FLNB: variants seen among roughly 807,000 people sequenced by gnomAD.
FLNB encodes the protein filamin-B.
FLNB carries 111 observed loss-of-function variants against 250.6 expected under a neutral mutation model. The observed-to-expected ratio is 0.44, with a 90% CI of 0.38 to 0.52. The LOEUF is 0.52. Among genes scored for constraint, FLNB ranks in the 20% least tolerant of loss-of-function variants. The pLI, the probability that FLNB is intolerant of heterozygous loss-of-function variation, is 0.00. For missense variants in FLNB, 2,869 were observed against 3,447.8 expected (o/e 0.83, Z 4.20); for synonymous variants, 1,302 against 1,372.1 (o/e 0.95, Z 1.13).
At chr3:58,143,675 G>A in intron 32 of FLNB, 62 bp downstream of exon 32, 1 of 1,601,236 alleles carries the variant, frequency 6.2e-7, no homozygotes, top group South Asian at 1.1e-5. Context: ...GCAGCCTGCA[G>A]ACACTCCTCA....
chr3:58,116,326 A>G (rs76780424), intron 18 of FLNB, among the ~76,000 whole-genome samples: 1 of 152,190 alleles, frequency 6.6e-6, no homozygotes, highest in Non-Finnish European at 1.5e-5. Context: ...TGGTAGTTTT[A>G]GGGTATAACA....
chr3:58,163,447 G>A, intron 43 of FLNB, 117 bp downstream of exon 43: 1 of 1,097,166 alleles, frequency 9.1e-7, no homozygotes, highest in East Asian at 2.5e-5. Flanking sequence ...GGAAACTGGG[G>A]TCATGCACAC....
chr3:58,083,239 C>CTTT (rs71091340), intron 4 of FLNB, among the ~76,000 whole-genome samples: 1 of 136,468 alleles, frequency 7.3e-6, no homozygotes, highest in African/African-American at 2.7e-5. Flanking sequence ...TTTCCCCAAA[C>CTTT]TTTTTTTTTT....
chr3:58,131,455 T>C (rs2097307238), intron 25 of FLNB, among the ~76,000 whole-genome samples: 1 of 152,224 alleles, frequency 6.6e-6, no homozygotes, highest in South Asian at 2.1e-4. Flanking sequence ...TTGGTAAGGC[T>C]AGCGGGCCAT....
At chr3:58,062,576 C>A (rs930885427) in intron 1 of FLNB, among the ~76,000 whole-genome samples, 1 of 152,134 alleles carries the variant, frequency 6.6e-6, no homozygotes, top group Admixed American at 6.5e-5. Flanking sequence ...ATTTACGGAC[C>A]TTGTGTTTAA....
At chr3:58,108,915 G>T (rs775608200) in intron 13 of FLNB, among the ~76,000 whole-genome samples, 13 of 152,150 alleles carry the variant, frequency 8.5e-5, no homozygotes, top group Non-Finnish European at 1.5e-4. Flanking sequence ...ATTGAATTTG[G>T]CCAAAGGACT....
chr3:58,012,213 A>C (rs1202669820), intron 1 of FLNB, among the ~76,000 whole-genome samples: 1 of 22,344 alleles, frequency 4.5e-5, no homozygotes, highest in African/African-American at 1.7e-4. Flanking sequence ...CTGACTCAAA[A>C]AAAAAAAAAA....
chr3:58,119,811 C>T (rs1559706960), intron 19 of FLNB, among the ~76,000 whole-genome samples: 1 of 152,228 alleles, frequency 6.6e-6, no homozygotes, highest in African/African-American at 2.4e-5. Context: ...GATCTTCTCT[C>T]TGCATCTATA....
intron 1 of FLNB, among the ~76,000 whole-genome samples, chr3:58,069,232 C>CTTTTTTTTT (rs59689498): frequency 1.2e-5 from 1 of 86,384 alleles, no homozygotes. Context: ...TAGTTCAATT[C>CTTTTTTTTT]TTTTTTTTTT....
chr3:58,129,298 C>T (rs2097302582), intron 24 of FLNB, among the ~76,000 whole-genome samples: 1 of 152,146 alleles, frequency 6.6e-6, no homozygotes, highest in South Asian at 2.1e-4. Context: ...GGAATGGTGA[C>T]ATGTGTCTGG....
chr3:58,067,341 C>A (rs750597091), intron 1 of FLNB, among the ~76,000 whole-genome samples: 2 of 152,132 alleles, frequency 1.3e-5, no homozygotes, highest in Non-Finnish European at 2.9e-5. Flanking sequence ...ATTAACTGAA[C>A]CCTTGACACA....
At chr3:58,161,343 G>A (rs1255106870) in intron 42 of FLNB, among the ~76,000 whole-genome samples, 1 of 152,174 alleles carries the variant, frequency 6.6e-6, no homozygotes, top group Non-Finnish European at 1.5e-5. Context: ...ATTGGTCAGG[G>A]CCTTAAAGGG....
At chr3:58,131,708 T>C (rs2097307727) in intron 25 of FLNB, among the ~76,000 whole-genome samples, 1 of 152,210 alleles carries the variant, frequency 6.6e-6, no homozygotes, top group Admixed American at 6.5e-5. Context: ...TTTTATCTTT[T>C]GAAGCTCAGG....
chr3:58,160,547 G>A (rs371593508), intron 42 of FLNB, among the ~76,000 whole-genome samples: 75 of 152,332 alleles, frequency 4.9e-4, no homozygotes, highest in Middle Eastern at 6.8e-3. Flanking sequence ...CAGAGCAGGA[G>A]AGAGAAATAG....
At chr3:58,141,690 G>A (rs964645664) in intron 29 of FLNB, among the ~76,000 whole-genome samples, 168 bp from the exon 30 acceptor site, 1 of 152,184 alleles carries the variant, frequency 6.6e-6, no homozygotes, top group Admixed American at 6.5e-5. Flanking sequence ...GTTGAAGAGA[G>A]GACACCAACT....
Position 58,126,745 on chromosome 3 carries a change from G to A in FLNB, c.4205G>A (p.Gly1402Glu), listed in dbSNP as rs558751296. The A allele has an allele frequency of 6.2e-7, 1 of 1,613,836 alleles. No homozygotes were observed. The highest frequency in any genetic ancestry group is 8.5e-7 in the Non-Finnish European group (1 of 1,179,788). ...PGDYDVNITY[G>E]GAHIPGSPFR... ...GATTACGATGTTAATATCACATATGGAGGAGCCCACATCCCCGGTGAGCTA... is the reference window on the plus strand; with the variant it reads ...GATTACGATGTTAATATCACATATGAAGGAGCCCACATCCCCGGTGAGCTA... Residue 1402 changes from glycine (G) to glutamate (E), a missense_variant, in exon 24 of 46, where the codon GGA becomes GAA. Physicochemically the swap from Gly to Glu is moderately conservative, Grantham distance 98. Coordinates refer to ENST00000295956, the MANE Select transcript of FLNB (RefSeq NM_001457.4).
At chr3:58,163,520 G>T in intron 43 of FLNB, 190 bp downstream of exon 43, 1 of 610,374 alleles carries the variant, frequency 1.6e-6, no homozygotes, top group South Asian at 1.9e-5. Flanking sequence ...GATAAATCCA[G>T]AGTGAGAGCT....
At chr3:58,117,288 TC>T (rs941929266) in intron 18 of FLNB, among the ~76,000 whole-genome samples, 1 of 152,168 alleles carries the variant, frequency 6.6e-6, no homozygotes, top group African/African-American at 2.4e-5. Context: ...ATTTTTTCCC[TC>T]CCCCTTCTTA....
At chr3:58,116,062 A>G (rs1411934123) in intron 18 of FLNB, among the ~76,000 whole-genome samples, 3 of 152,114 alleles carry the variant, frequency 2.0e-5, no homozygotes, top group African/African-American at 7.2e-5. Context: ...GAGTGAGCGA[A>G]TAAATGACAT....
Sources: allele counts gnomAD v4.1 joint callset (sites outside exome capture counted in the v4.1 genomes callset), GRCh38; gene constraint gnomAD v4.1.1; transcripts MANE v1.5; gene names NCBI Gene and HGNC (gene_info 2026-07-23, HGNC 2026-07-21).